ERBB4: variants seen among roughly 807,000 people sequenced by gnomAD.
The protein encoded by ERBB4 is erb-b2 receptor tyrosine kinase 4, also known as receptor tyrosine-protein kinase erbB-4.
Under a neutral mutation model 158.0 loss-of-function variants are expected in ERBB4, and 42 were observed. The observed-to-expected ratio is 0.27, with a 90% CI of 0.21 to 0.34. The LOEUF (loss-of-function observed/expected upper bound fraction) is 0.34. Ranked by LOEUF, ERBB4 falls within the 10% of genes least tolerant of loss-of-function variation. ERBB4 has a pLI of 1.00. For missense variants in ERBB4, 1,333 were observed against 1,624.1 expected (o/e 0.82, Z 3.08); for synonymous variants, 583 against 558.7 (o/e 1.04, Z -0.61).
chr2:211,633,812 G>A (rs913696133), intron 16 of ERBB4, among the ~76,000 whole-genome samples: 13 of 151,492 alleles, frequency 8.6e-5, no homozygotes, highest in African/African-American at 3.2e-4. Context: ...TTTGATGTTA[G>A]TAGAAAATAT....
At chr2:211,939,978 T>C (rs1317966965) in intron 3 of ERBB4, among the ~76,000 whole-genome samples, 1 of 150,328 alleles carries the variant, frequency 6.7e-6, no homozygotes, top group Non-Finnish European at 1.5e-5. Context: ...TATATATATA[T>C]ATGTATATAG....
At chr2:212,442,619 G>GC (rs1280821593) in intron 1 of ERBB4, among the ~76,000 whole-genome samples, 2 of 151,640 alleles carry the variant, frequency 1.3e-5, no homozygotes, top group Non-Finnish European at 2.9e-5. Context: ...CCTACTTACA[G>GC]TGGGTTCAGG....
At chr2:212,142,455 ATGCTCAGAATGT>A (rs2080513058) in intron 1 of ERBB4, among the ~76,000 whole-genome samples, 2 of 151,650 alleles carry the variant, frequency 1.3e-5, no homozygotes, top group Admixed American at 1.3e-4. Flanking sequence ...GTTATTTCTG[ATGCTCAGAATGT>A]TAGGACCAGA....
intron 4 of ERBB4, among the ~76,000 whole-genome samples, chr2:211,759,320 C>T (rs971837904): frequency 5.3e-5 from 8 of 152,130 alleles, no homozygotes; most frequent in Non-Finnish European, 8.8e-5. Context: ...TCCACCCTGG[C>T]CCCTTTACAA....
chr2:211,654,504 A>G (rs1317716171), intron 16 of ERBB4, among the ~76,000 whole-genome samples: 1 of 152,234 alleles, frequency 6.6e-6, no homozygotes. Flanking sequence ...TGATATATCA[A>G]TCCTGTAGTC....
rs535144675 is a variant in ERBB4 at position 211,474,815 on chromosome 2, A to T, written c.2488-43715T>A. Reference sequence around the variant, plus strand: ...TCTAGAGTGAATGAGAAGGGAAGGCAATGGAGGATGGGCCATTAAGTACAT... The same window carrying T: ...TCTAGAGTGAATGAGAAGGGAAGGCTATGGAGGATGGGCCATTAAGTACAT... On this transcript the variant is annotated intron_variant, in intron 20 of 27. Transcript: ENST00000342788. Among the ~76,000 whole-genome samples, 29 of 152,198 alleles carry T rather than the reference A, an allele frequency of 1.9e-4. No homozygotes were observed. The South Asian group carries it at 5.8e-3, about 30-fold the overall frequency.
intron 19 of ERBB4, among the ~76,000 whole-genome samples, chr2:211,606,778 G>C (rs530854999): frequency 4.6e-5 from 7 of 152,226 alleles, no homozygotes; most frequent in South Asian, 2.1e-4. Flanking sequence ...GTTTTCTTTC[G>C]TAAGAGTATA....
At position 211,383,923 on chromosome 2, in the gene ERBB4, G is replaced by A. The variant is rs2062628115; in HGVS notation, c.3619C>T (p.Leu1207=). The change falls in exon 28 of 28, where the codon CTG becomes TTG. Residue 1207 remains leucine (L), a synonymous_variant. Coordinates refer to ENST00000342788, the MANE Select transcript of ERBB4 (RefSeq NM_005235.3). The part of the protein sequence containing the change: ...KAEDEYVNEP[L]YLNTFANTLG... Reference sequence around the variant, plus strand: ...GTGTTGGCAAAGGTGTTGAGGTACAGTGGCTCATTCACATACTCATCCTCG... The same window carrying A: ...GTGTTGGCAAAGGTGTTGAGGTACAATGGCTCATTCACATACTCATCCTCG... 1 of 1,614,118 alleles carries A rather than the reference G, an allele frequency of 6.2e-7. No homozygotes were observed. The highest frequency in any genetic ancestry group is 2.2e-5 in the East Asian group (1 of 44,870).
chr2:212,003,202 A>G (rs1174236899), intron 2 of ERBB4, among the ~76,000 whole-genome samples: 32 of 55,504 alleles, frequency 5.8e-4, no homozygotes, highest in South Asian at 2.1e-3. Flanking sequence ...AGAAAGAAAG[A>G]AAGACAGAAA....
chr2:211,432,975 G>T (rs184331129), intron 20 of ERBB4, among the ~76,000 whole-genome samples: 2 of 152,280 alleles, frequency 1.3e-5, no homozygotes, highest in Admixed American at 1.3e-4. Flanking sequence ...GCAAGTATGC[G>T]TGAGAGGAGA....
chr2:211,592,172 A>G lies in ERBB4; in HGVS notation c.2301+27005T>C, dbSNP rs576529940. ...GGCTTTAAGACTATTACAAGCTGCT[A>G]GACGCCCGGTAGACGCAGGGCTTTG... On this transcript the variant is annotated intron_variant, in intron 19 of 27. Transcript: ENST00000342788. Among the ~76,000 whole-genome samples the G allele has an allele frequency of 1.2e-4, 15 of 125,486 alleles. No homozygotes were observed. The East Asian group carries it at 3.8e-3, about 32-fold the overall frequency. 82.3% of individuals were successfully genotyped at this position (125,486 alleles called of 152,430 possible). A position where few individuals can be genotyped will look rare whatever the true frequency, so the allele number is the denominator to read the frequency against.
chr2:211,520,052 T>A (rs2066146165), intron 20 of ERBB4, among the ~76,000 whole-genome samples: 1 of 152,176 alleles, frequency 6.6e-6, no homozygotes, highest in Admixed American at 6.5e-5. Flanking sequence ...CTCTTCTACT[T>A]ACCTAGATTA....
chr2:211,773,621 TA>T (rs1342178551), intron 4 of ERBB4, among the ~76,000 whole-genome samples: 795 of 62,992 alleles, frequency 0.013, 41 homozygotes, highest in African/African-American at 0.051. Flanking sequence ...TATATATATA[TA>T]TATATATATA....
At position 211,383,579 on chromosome 2, in the gene ERBB4, A is replaced by G. The variant is rs2062615881; in HGVS notation, c.*36T>C. Reference sequence around the variant, plus strand: ...GAGAGGGGGGTGGGGAAATTGGAGCAGGTGTGTCTCTCCACCTAAAAAACC... The same window carrying G: ...GAGAGGGGGGTGGGGAAATTGGAGCGGGTGTGTCTCTCCACCTAAAAAACC... On this transcript the variant is annotated 3_prime_UTR_variant, in exon 28 of 28. Transcript: ENST00000342788. 1 of 1,549,848 alleles carries G rather than the reference A, an allele frequency of 6.5e-7. No homozygotes were observed. Among genetic ancestry groups the G allele is most frequent in the Non-Finnish European group, 8.9e-7 (1 of 1,123,574 alleles).
chr2:212,019,178 T>G (rs1331349542), intron 2 of ERBB4, among the ~76,000 whole-genome samples: 1 of 152,176 alleles, frequency 6.6e-6, no homozygotes, highest in Non-Finnish European at 1.5e-5. Context: ...AAAGCAGGTT[T>G]CTTTACAAAA....
chr2:212,011,100 C>T (rs4673647), intron 2 of ERBB4, among the ~76,000 whole-genome samples: 133,133 of 152,158 alleles, frequency 0.87, 59,006 homozygotes, highest in East Asian at 1. Context: ...ATTTGTACAG[C>T]TAACACAATT....
intron 2 of ERBB4, among the ~76,000 whole-genome samples, chr2:212,065,574 C>T (rs184001239): frequency 6.6e-6 from 1 of 152,144 alleles, no homozygotes; most frequent in East Asian, 1.9e-4. Context: ...TTAGTTTGTA[C>T]ATAATTCTCC....
intron 1 of ERBB4, among the ~76,000 whole-genome samples, chr2:212,288,949 TG>T (rs2086104688): frequency 6.6e-6 from 1 of 152,046 alleles, no homozygotes; most frequent in African/African-American, 2.4e-5. Flanking sequence ...GAGAAAGGCT[TG>T]GTTCTGGAAG....
At chr2:212,477,800 C>T (rs1689481248) in intron 1 of ERBB4, among the ~76,000 whole-genome samples, 1 of 152,030 alleles carries the variant, frequency 6.6e-6, no homozygotes, top group South Asian at 2.1e-4. Context: ...ACAATATGGT[C>T]ATATGGATAG....
Sources: allele counts gnomAD v4.1 joint callset (sites outside exome capture counted in the v4.1 genomes callset), GRCh38; gene constraint gnomAD v4.1.1; transcripts MANE v1.5; gene names NCBI Gene and HGNC (gene_info 2026-07-23, HGNC 2026-07-21).